Variants in PRKAR2A observed in about 807,000 individuals in gnomAD.
PRKAR2A encodes cAMP-dependent protein kinase type II-alpha regulatory subunit.
PRKAR2A carries 29 observed loss-of-function variants against 51.9 expected under a neutral mutation model. The ratio of observed to expected loss-of-function variants is 0.56; its 90% CI spans 0.42 to 0.76. The LOEUF is 0.76. PRKAR2A is among the 30% of genes least tolerant of loss of function. PRKAR2A has a pLI of 0.00. For missense variants in PRKAR2A, 445 were observed against 512.1 expected, an observed-to-expected ratio of 0.87 and a Z score of 1.26; for synonymous variants, 178 against 186.2, an observed-to-expected ratio of 0.96 and a Z score of 0.36.
At position 48,847,344 on chromosome 3, in the gene PRKAR2A, C is replaced by A. The variant is rs2083483073; in HGVS notation, c.253G>T (p.Asp85Tyr). The A allele has an allele frequency of 6.2e-7, 1 of 1,613,498 alleles. No individual in the cohort carries two copies. Among genetic ancestry groups the A allele is most frequent in the Admixed American group, 1.7e-5 (1 of 59,990 alleles). ...CCCGCCCACAGCCTACCTTCCAAGT[C>A]CTCGTCCTCCTCCGACTCGCTGTCC... ...KGDSESEEDE[D>Y]LEVPVPSRFN... Residue 85 changes from aspartate to tyrosine, a missense_variant, in exon 1 of 11, where the codon GAC becomes TAC. Asp to Tyr is a radical substitution (Grantham distance 160). Coordinates refer to ENST00000265563, the MANE Select transcript of PRKAR2A (RefSeq NM_004157.4). The surrounding 1 kb of genome is among the most constrained non-coding windows in gnomAD (Gnocchi z 4.4).
intron 1 of PRKAR2A, among the ~76,000 whole-genome samples, chr3:48,808,169 T>G (rs981458735): frequency 1.3e-5 from 2 of 150,260 alleles, no homozygotes; most frequent in African/African-American, 4.9e-5. Context: ...TGCCTCAGCC[T>G]CCGGCGTAGC....
At chr3:48,808,191 G>A (rs1327227341) in intron 1 of PRKAR2A, among the ~76,000 whole-genome samples, 2 of 151,366 alleles carry the variant, frequency 1.3e-5, no homozygotes, top group African/African-American at 4.9e-5. Flanking sequence ...GGGACTACAG[G>A]CGCCCGCCAC....
intron 1 of PRKAR2A, among the ~76,000 whole-genome samples, chr3:48,831,873 C>T (rs2083193685): frequency 6.6e-6 from 1 of 152,146 alleles, no homozygotes; most frequent in Non-Finnish European, 1.5e-5. Context: ...CTGTCCCAGT[C>T]TTCCAAAGTG....
intron 1 of PRKAR2A, among the ~76,000 whole-genome samples, chr3:48,829,876 T>TATTTA (rs2083158121): frequency 3.8e-5 from 4 of 105,046 alleles, no homozygotes; most frequent in African/African-American, 1.4e-4. Context: ...TATATATTTT[T>TATTTA]TTTTTTTTTT....
At chr3:48,774,987 T>G (rs1350735597) in intron 5 of PRKAR2A, among the ~76,000 whole-genome samples, 1 of 152,192 alleles carries the variant, frequency 6.6e-6, no homozygotes, top group Non-Finnish European at 1.5e-5. Flanking sequence ...GCTGTAGGTT[T>G]TTAATAAATG....
At chr3:48,833,433 C>T (rs867360700) in intron 1 of PRKAR2A, among the ~76,000 whole-genome samples, 1 of 152,130 alleles carries the variant, frequency 6.6e-6, no homozygotes, top group Non-Finnish European at 1.5e-5. Flanking sequence ...TCTTGCCAGG[C>T]GCAGAGGCTC....
chr3:48,823,701 G>A (rs988583551), intron 1 of PRKAR2A, among the ~76,000 whole-genome samples: 4 of 148,750 alleles, frequency 2.7e-5, no homozygotes, highest in African/African-American at 7.5e-5. Context: ...TGGGAGGATT[G>A]CTTGAACCTG....
chr3:48,840,528 A>G (rs1454693045), intron 1 of PRKAR2A, among the ~76,000 whole-genome samples: 1 of 113,022 alleles, frequency 8.8e-6, no homozygotes, highest in Non-Finnish European at 1.9e-5. Context: ...TTATCCATTC[A>G]TTTATGGATG....
chr3:48,783,790 A>C (rs890465123), intron 4 of PRKAR2A, among the ~76,000 whole-genome samples: 1 of 152,174 alleles, frequency 6.6e-6, no homozygotes, highest in Non-Finnish European at 1.5e-5. Context: ...CATGTTGGCC[A>C]GGCTGGTCTC....
intron 1 of PRKAR2A, among the ~76,000 whole-genome samples, chr3:48,827,779 T>C (rs2083094287): frequency 6.6e-6 from 1 of 152,172 alleles, no homozygotes; most frequent in South Asian, 2.1e-4. Context: ...AAACACTGTA[T>C]CCTTAGGCTA....
chr3:48,779,685 C>A (rs569515789), intron 5 of PRKAR2A, among the ~76,000 whole-genome samples: 47 of 151,230 alleles, frequency 3.1e-4, no homozygotes, highest in Non-Finnish European at 5.6e-4. Context: ...GAGGCTATGG[C>A]AGGAGAATCG....
intron 2 of PRKAR2A, 74 bp from the exon 3 acceptor site, chr3:48,794,123 C>T (rs1439968515): frequency 1.7e-6 from 2 of 1,146,796 alleles, no homozygotes; most frequent in African/African-American, 1.6e-5. Context: ...AGGAAGTGAA[C>T]TCAATTTTCT....
intron 1 of PRKAR2A, among the ~76,000 whole-genome samples, chr3:48,820,148 A>G (rs995580617): frequency 6.6e-6 from 1 of 152,236 alleles, no homozygotes; most frequent in Non-Finnish European, 1.5e-5. Context: ...CTGGGGATAC[A>G]GAATAGCTCG....
chr3:48,834,743 AG>A (rs2107449990), intron 1 of PRKAR2A, among the ~76,000 whole-genome samples: 1 of 151,544 alleles, frequency 6.6e-6, no homozygotes, highest in African/African-American at 2.4e-5. Context: ...AAAAAAAAAA[AG>A]GTGAAAAGAC....
intron 2 of PRKAR2A, among the ~76,000 whole-genome samples, chr3:48,800,173 A>T (rs1266754176): frequency 6.6e-6 from 1 of 151,146 alleles, no homozygotes; most frequent in Admixed American, 6.6e-5. Flanking sequence ...GGAGGTTTTT[A>T]AATTAAATAA....
At chr3:48,834,994 C>CAA (rs2083257798) in intron 1 of PRKAR2A, among the ~76,000 whole-genome samples, 1 of 130,328 alleles carries the variant, frequency 7.7e-6, no homozygotes, top group Non-Finnish European at 1.6e-5. Context: ...TTTTTTGAGA[C>CAA]AAAGTCTCAT....
intron 2 of PRKAR2A, among the ~76,000 whole-genome samples, chr3:48,797,889 T>C (rs2107332475): frequency 6.6e-6 from 1 of 152,268 alleles, no homozygotes; most frequent in Non-Finnish European, 1.5e-5. Flanking sequence ...GAGGCCAGGG[T>C]GCATTATCTC....
chr3:48,789,509 T>TA lies in PRKAR2A; in HGVS notation c.435+1034dup, dbSNP rs1553671688. 2.7e-3 allele frequency among the ~76,000 whole-genome samples: 410 copies of TA among 150,820 alleles called. 2 individuals carry two copies. The highest frequency in any genetic ancestry group is 9.7e-3 in the African/African-American group (398 of 41,064). On this transcript the variant is annotated intron_variant, in intron 4 of 10. Transcript: ENST00000265563. ...TATTCTATTTTTTTTTTTTTTTTTT[T>TA]AGACAGAGTCTTGCTCTGTCACCCA...
intron 8 of PRKAR2A, among the ~76,000 whole-genome samples, chr3:48,760,255 G>A (rs2081843738): frequency 6.6e-6 from 1 of 152,154 alleles, no homozygotes; most frequent in African/African-American, 2.4e-5. Flanking sequence ...TACTCGGGAG[G>A]CTGAGGCAGA....
Sources: gnomAD v4.1 joint callset for allele counts (sites outside exome capture counted in the v4.1 genomes callset) on GRCh38, gnomAD v4.1.1 for gene constraint, Gnocchi (gnomAD v3.1) non-coding constraint, MANE v1.5 for transcripts, NCBI Gene and HGNC (gene_info 2026-07-23, HGNC 2026-07-21) for gene names.